The following GLIS3 variants were observed in gnomAD, a reference collection of about 807,000 sequenced individuals.
GLIS3 encodes zinc finger protein GLIS3.
A neutral mutation model predicts 78.6 loss-of-function variants in GLIS3; 53 were observed. The observed-to-expected ratio is 0.67, with a 90% CI of 0.54 to 0.85. The LOEUF (loss-of-function observed/expected upper bound fraction) is 0.85, where lower values mean the gene tolerates loss of function less well. Ranked by LOEUF, GLIS3 falls within the 40% of genes least tolerant of loss-of-function variation. The pLI is 0.00. For missense variants in GLIS3, 1,703 were observed against 1,231.1 expected, an observed-to-expected ratio of 1.38 and a Z score of -5.74; for synonymous variants, 684 against 509.9, an observed-to-expected ratio of 1.34 and a Z score of -4.60.
chr9:4,285,214 T>C (rs1005019063), intron 2 of GLIS3, among the ~76,000 whole-genome samples: 12 of 152,210 alleles, frequency 7.9e-5, no homozygotes, highest in Non-Finnish European at 1.2e-4. Context: ...CAAAGCTATA[T>C]TTTACGTGGG....
intron 2 of GLIS3, among the ~76,000 whole-genome samples, chr9:4,205,553 G>T (rs553800636): frequency 6.6e-6 from 1 of 152,228 alleles, no homozygotes; most frequent in Non-Finnish European, 1.5e-5. Context: ...TATAAGAGAG[G>T]AAAGTCTAGA....
the GLIS3 span, among the ~76,000 whole-genome samples, chr9:4,362,829 T>C: frequency 6.6e-6 from 1 of 152,068 alleles, no homozygotes; most frequent in African/African-American, 2.4e-5. Context: ...TGCTATCATG[T>C]TGGAGAACAA....
At chr9:4,009,176 G>A (rs377320068) in intron 4 of GLIS3, among the ~76,000 whole-genome samples, 1 of 152,154 alleles carries the variant, frequency 6.6e-6, no homozygotes, top group African/African-American at 2.4e-5. Flanking sequence ...GTTCCTGAAC[G>A]CCATGTGCAA....
intron 4 of GLIS3, among the ~76,000 whole-genome samples, chr9:3,999,633 T>C (rs1820989884): frequency 6.6e-6 from 1 of 152,178 alleles, no homozygotes; most frequent in African/African-American, 2.4e-5. Context: ...AGACAAAGCA[T>C]ATTCATGGAC....
chr9:3,997,371 A>AAAAATAAAATAAAATAAAATAAAAT (rs569835206), intron 4 of GLIS3, among the ~76,000 whole-genome samples: 6 of 151,888 alleles, frequency 4.0e-5, no homozygotes, highest in African/African-American at 1.2e-4. Context: ...CAATAAAAAT[A>AAAAATAAAATAAAATAAAATAAAAT]AAAATAAAAT....
At chr9:4,411,017 G>C in the GLIS3 span, among the ~76,000 whole-genome samples, 2 of 152,068 alleles carry the variant, frequency 1.3e-5, no homozygotes, top group Non-Finnish European at 2.9e-5. Context: ...TTACACATTT[G>C]TAAGAACCAA....
chr9:4,490,114 G>A, the GLIS3 span, among the ~76,000 whole-genome samples: 2 of 152,354 alleles, frequency 1.3e-5, no homozygotes, highest in Admixed American at 6.5e-5. Flanking sequence ...TGTGGAGAAC[G>A]GAGAGGGAGA....
chr9:3,838,957 A>C (rs1260383469), intron 9 of GLIS3, among the ~76,000 whole-genome samples: 2 of 152,238 alleles, frequency 1.3e-5, no homozygotes, highest in Non-Finnish European at 2.9e-5. Context: ...GGGCATAAGA[A>C]TATAGTCTTT....
At position 3,886,763 on chromosome 9, in the gene GLIS3, C is replaced by A. The variant is rs559824245; in HGVS notation, c.2129-7168G>T. 1.6e-4 allele frequency among the ~76,000 whole-genome samples: 24 copies of A among 152,272 alleles called. No homozygotes were observed. In the South Asian group the frequency reaches 4.6e-3, roughly 29 times the overall value. On this transcript the variant is annotated intron_variant, in intron 7 of 10. Coordinates refer to ENST00000381971, the MANE Select transcript of GLIS3 (RefSeq NM_001042413.2). ...CCTTCAATGAAAAATGCTCTCTGAA[C>A]CTAAATTCACAAACCAGAAAGAGAT...
chr9:3,929,827 T>A (rs1356240022), intron 6 of GLIS3, among the ~76,000 whole-genome samples: 1 of 152,218 alleles, frequency 6.6e-6, no homozygotes, highest in Non-Finnish European at 1.5e-5. Flanking sequence ...CAGTTTTCAA[T>A]TTTTAATTAA....
chr9:4,310,889 T>G (rs1817341432), intron 2 of GLIS3, among the ~76,000 whole-genome samples: 1 of 152,192 alleles, frequency 6.6e-6, no homozygotes, highest in Admixed American at 6.5e-5. Flanking sequence ...TTAGGGCATC[T>G]AAATCACCCA....
chr9:4,171,257 A>G (rs1816348563), intron 2 of GLIS3, among the ~76,000 whole-genome samples: 1 of 152,214 alleles, frequency 6.6e-6, no homozygotes, highest in East Asian at 1.9e-4. Flanking sequence ...AAAAGGTTCT[A>G]TTTATTCACT....
the GLIS3 span, among the ~76,000 whole-genome samples, chr9:4,471,628 A>C: frequency 6.6e-6 from 1 of 152,132 alleles, no homozygotes; most frequent in African/African-American, 2.4e-5. Context: ...AAGACTTTTA[A>C]GTTAGATCTA....
intron 4 of GLIS3, among the ~76,000 whole-genome samples, chr9:4,103,055 G>C (rs1321542740): frequency 6.6e-6 from 1 of 152,094 alleles, no homozygotes; most frequent in African/African-American, 2.4e-5. Context: ...TCCTGCTGGA[G>C]CCAATGAAGT....
the GLIS3 span, among the ~76,000 whole-genome samples, chr9:4,403,362 C>G: frequency 6.6e-6 from 1 of 152,148 alleles, no homozygotes; most frequent in African/African-American, 2.4e-5. Flanking sequence ...AAGAAATCAT[C>G]TGAAGGTAAA....
chr9:4,253,365 G>A (rs1824581230), intron 2 of GLIS3, among the ~76,000 whole-genome samples: 1 of 152,206 alleles, frequency 6.6e-6, no homozygotes, highest in Non-Finnish European at 1.5e-5. Context: ...GGTGCAGTGG[G>A]CTCTGCCCAG....
At chr9:3,943,095 C>T (rs1327407523) in intron 4 of GLIS3, among the ~76,000 whole-genome samples, 1 of 152,106 alleles carries the variant, frequency 6.6e-6, no homozygotes, top group Non-Finnish European at 1.5e-5. Context: ...GATTTTGCTT[C>T]TCCTTCGATG....
At chr9:4,242,440 C>T (rs1402158681) in intron 2 of GLIS3, among the ~76,000 whole-genome samples, 1 of 152,178 alleles carries the variant, frequency 6.6e-6, no homozygotes, top group Admixed American at 6.6e-5. Flanking sequence ...GCTGCTCCCT[C>T]TGAGGTGAAA....
At chr9:4,396,831 C>T in the GLIS3 span, among the ~76,000 whole-genome samples, 1 of 151,988 alleles carries the variant, frequency 6.6e-6, no homozygotes, top group Admixed American at 6.6e-5. Flanking sequence ...GAGTTACGGG[C>T]TTGTGAGGTT....
Sources: gnomAD v4.1 joint callset for allele counts (sites outside exome capture counted in the v4.1 genomes callset) on GRCh38, gnomAD v4.1.1 for gene constraint, MANE v1.5 for transcripts, NCBI Gene and HGNC (gene_info 2026-07-23, HGNC 2026-07-21) for gene names.